The following ALK variants were observed in gnomAD, a reference collection of about 807,000 sequenced individuals.
The protein encoded by ALK is ALK tyrosine kinase receptor.
Under a neutral mutation model 163.1 loss-of-function variants are expected in ALK, and 74 were observed. The observed-to-expected ratio is 0.45, with a 90% CI of 0.38 to 0.55. ALK has a LOEUF of 0.55. Ranked by LOEUF, ALK falls within the 20% of genes least tolerant of loss-of-function variation. The probability of loss-of-function intolerance (pLI) is 0.00; values close to 1 mark genes in which losing one functional copy is unlikely to be tolerated. For missense variants in ALK, 2,063 were observed against 2,105.3 expected, an observed-to-expected ratio of 0.98 and a Z score of 0.39; for synonymous variants, 960 against 843.2, an observed-to-expected ratio of 1.14 and a Z score of -2.40.
chr2:29,208,420 G>A (rs1253490812), intron 25 of ALK, among the ~76,000 whole-genome samples: 1 of 152,198 alleles, frequency 6.6e-6, no homozygotes, highest in East Asian at 1.9e-4. Flanking sequence ...AGGGCTCGAG[G>A]AGTCATGCTG....
chr2:29,664,324 C>T (rs76833034), intron 3 of ALK, among the ~76,000 whole-genome samples: 286 of 152,220 alleles, frequency 1.9e-3, no homozygotes, highest in African/African-American at 6.5e-3. Context: ...AAAATAATGA[C>T]GTTACTAAAT....
At chr2:29,624,607 G>C (rs948462687) in intron 3 of ALK, among the ~76,000 whole-genome samples, 5 of 152,140 alleles carry the variant, frequency 3.3e-5, no homozygotes, top group African/African-American at 1.2e-4. Flanking sequence ...GGGATGGGGG[G>C]AGGGAGAGCA....
intron 3 of ALK, among the ~76,000 whole-genome samples, chr2:29,598,127 A>G (rs1675266945): frequency 6.6e-6 from 1 of 152,184 alleles, no homozygotes; most frequent in South Asian, 2.1e-4. Flanking sequence ...TCCTCGGTTC[A>G]AGCGATTCTC....
At chr2:29,705,373 T>C (rs755149287) in intron 2 of ALK, among the ~76,000 whole-genome samples, 53 of 148,742 alleles carry the variant, frequency 3.6e-4, no homozygotes, top group Non-Finnish European at 6.4e-4. Context: ...ATGGATACTC[T>C]TACCACCTTG....
At chr2:29,712,515 C>G (rs891061783) in intron 2 of ALK, among the ~76,000 whole-genome samples, 1 of 152,166 alleles carries the variant, frequency 6.6e-6, no homozygotes, top group African/African-American at 2.4e-5. Context: ...TACGTAATTT[C>G]AGAAATGCGA....
chr2:29,789,957 C>G (rs1248834140), intron 1 of ALK, among the ~76,000 whole-genome samples: 1 of 152,116 alleles, frequency 6.6e-6, no homozygotes, highest in African/African-American at 2.4e-5. Flanking sequence ...CTGTAAAGTT[C>G]TAAGATTTTA....
rs554208898 is a variant in ALK, at chr2:29,651,658, G to A, written c.952+43192C>T. ...TATGCCCTGCACAACTCGAGGAGGCGTCAGCCACAGGGTATCCCTTGGAGT... is the reference window on the plus strand; with the variant it reads ...TATGCCCTGCACAACTCGAGGAGGCATCAGCCACAGGGTATCCCTTGGAGT... On this transcript the variant is annotated intron_variant, in intron 3 of 28. Coordinates refer to ENST00000389048, the MANE Select transcript of ALK (RefSeq NM_004304.5). Among the ~76,000 whole-genome samples the A allele has an allele frequency of 4.6e-5, 7 of 152,228 alleles. No individual in the cohort carries two copies. The South Asian group carries it at 6.2e-4, about 14-fold the overall frequency.
intron 4 of ALK, among the ~76,000 whole-genome samples, chr2:29,474,310 A>AG (rs1671448131): frequency 6.6e-6 from 1 of 152,202 alleles, no homozygotes; most frequent in African/African-American, 2.4e-5. Context: ...GTCAAATAGT[A>AG]ATGATCTTTA....
chr2:29,917,142 TG>T (rs1667856542), intron 1 of ALK, among the ~76,000 whole-genome samples: 1 of 152,230 alleles, frequency 6.6e-6, no homozygotes, highest in Non-Finnish European at 1.5e-5. Flanking sequence ...ATTTTAGTCA[TG>T]GTCCTGCTCA....
intron 11 of ALK, among the ~76,000 whole-genome samples, chr2:29,254,305 C>A (rs202081549): frequency 0.094 from 4,730 of 50,494 alleles, 223 homozygotes; most frequent in African/African-American, 0.15. Flanking sequence ...CTCTCTCTCT[C>A]TATATATATA....
chr2:29,275,865 G>A lies in ALK; in HGVS notation c.1818-369C>T, dbSNP rs184036073. Among the ~76,000 whole-genome samples, 173 of 152,308 alleles carry A rather than the reference G, an allele frequency of 1.1e-3. 2 individuals carry two copies. Among genetic ancestry groups the A allele is most frequent in the Non-Finnish European group, 1.9e-3 (132 of 68,024 alleles). ...ACAGTAACTGCTTCGTTCAGTAAAC[G>A]GGGAGTGATTTCAAGGCACTGAGTT... is the stretch of plus-strand genomic sequence containing the variant. On this transcript the variant is annotated intron_variant, in intron 9 of 28. Transcript: ENST00000389048.
At chr2:29,866,804 G>T (rs1666447463) in intron 1 of ALK, among the ~76,000 whole-genome samples, 1 of 152,198 alleles carries the variant, frequency 6.6e-6, no homozygotes, top group Non-Finnish European at 1.5e-5. Flanking sequence ...TGGAGCACAA[G>T]TCACCTGTTG....
At chr2:29,851,965 G>A (rs552644342) in intron 1 of ALK, among the ~76,000 whole-genome samples, 11 of 152,292 alleles carry the variant, frequency 7.2e-5, no homozygotes, top group African/African-American at 2.4e-4. Context: ...AGAATGAGAG[G>A]TAGAACCTGT....
intron 19 of ALK, 58 bp from the exon 20 acceptor site, chr2:29,223,586 A>G (rs2148171407): frequency 6.4e-7 from 1 of 1,572,300 alleles, no homozygotes; most frequent in Non-Finnish European, 8.7e-7. Context: ...GAAGCACTAC[A>G]CAGGCCACTT....
intron 1 of ALK, among the ~76,000 whole-genome samples, chr2:29,854,770 AT>A (rs775304086): frequency 6.6e-6 from 1 of 152,172 alleles, no homozygotes; most frequent in African/African-American, 2.4e-5. Flanking sequence ...GATTGAATAT[AT>A]TTTTTATTAA....
At chr2:29,914,534 C>T (rs1445716730) in intron 1 of ALK, among the ~76,000 whole-genome samples, 3 of 152,208 alleles carry the variant, frequency 2.0e-5, no homozygotes, top group African/African-American at 7.2e-5. Context: ...ATTGATGAAG[C>T]ACTTTATTTT....
At chr2:29,443,337 G>A (rs1670591787) in intron 4 of ALK, among the ~76,000 whole-genome samples, 1 of 152,166 alleles carries the variant, frequency 6.6e-6, no homozygotes, top group Non-Finnish European at 1.5e-5. Flanking sequence ...ACATACAGTA[G>A]GCAAAGAGCC....
intron 1 of ALK, among the ~76,000 whole-genome samples, chr2:29,834,985 A>G (rs1223235748): frequency 6.6e-6 from 1 of 152,236 alleles, no homozygotes; most frequent in Non-Finnish European, 1.5e-5. Flanking sequence ...AAACTGCCCC[A>G]TTAGACAAGC....
At chr2:29,560,743 G>T in intron 3 of ALK, among the ~76,000 whole-genome samples, 1 of 151,692 alleles carries the variant, frequency 6.6e-6, no homozygotes, top group Non-Finnish European at 1.5e-5. Flanking sequence ...GGCTAATTTT[G>T]GTATTTTTTA....
Sources: allele counts gnomAD v4.1 joint callset (sites outside exome capture counted in the v4.1 genomes callset), GRCh38; gene constraint gnomAD v4.1.1; transcripts MANE v1.5; gene names NCBI Gene and HGNC (gene_info 2026-07-23, HGNC 2026-07-21).